Variants in LRBA observed in about 807,000 individuals in gnomAD.
LRBA encodes lipopolysaccharide-responsive and beige-like anchor protein.
Under a neutral mutation model 330.0 loss-of-function variants are expected in LRBA, and 176 were observed. That is an observed-to-expected ratio of 0.53 (90% CI 0.47 to 0.60). The LOEUF is 0.60. Ranked by LOEUF, LRBA falls within the 20% of genes least tolerant of loss-of-function variation. The pLI is 0.00. For synonymous variants in LRBA, 1,230 were observed against 1,193.0 expected (o/e 1.03, Z -0.64); for missense variants, 3,259 against 3,444.8 (o/e 0.95, Z 1.35).
At chr4:150,904,628 CA>C in intron 13 of LRBA, among the ~76,000 whole-genome samples, 1 of 150,624 alleles carries the variant, frequency 6.6e-6, no homozygotes. Flanking sequence ...ATTAGTAAGA[CA>C]AAAAAGTATC....
chr4:150,584,476 C>T (rs897760513), intron 40 of LRBA: 1 of 150,030 alleles, frequency 6.7e-6, no homozygotes, highest in African/African-American at 2.8e-5. Flanking sequence ...ACCCCATCCC[C>T]CCCCCCATTT....
intron 47 of LRBA, among the ~76,000 whole-genome samples, chr4:150,391,082 G>C (rs111374105): frequency 0.018 from 2,772 of 152,222 alleles, 31 homozygotes; most frequent in Non-Finnish European, 0.03. Context: ...AGCAGAATGT[G>C]AGCAAAAATG....
chr4:150,326,652 A>G (rs1733305548), intron 48 of LRBA, among the ~76,000 whole-genome samples: 2 of 152,190 alleles, frequency 1.3e-5, no homozygotes, highest in Admixed American at 1.3e-4. Context: ...ATCTGTAAGC[A>G]TTGTGTTTAC....
At chr4:150,872,778 C>A in intron 17 of LRBA, 23 bp from the exon 18 acceptor site, 1 of 1,271,786 alleles carries the variant, frequency 7.9e-7, no homozygotes, top group Non-Finnish European at 1.1e-6. Context: ...AAATTTAAAA[C>A]AAACTATTTT....
chr4:150,840,994 G>A (rs1748986459), intron 28 of LRBA: 11 of 1,254,010 alleles, frequency 8.8e-6, no homozygotes, highest in South Asian at 1.3e-5. Flanking sequence ...ACATATTTGT[G>A]ATCCGTGATC....
intron 2 of LRBA, among the ~76,000 whole-genome samples, chr4:150,952,866 T>A (rs962549502): frequency 6.6e-6 from 1 of 152,294 alleles, no homozygotes; most frequent in South Asian, 2.1e-4. Flanking sequence ...AATGCATTCA[T>A]CTTTATATCT....
chr4:150,389,635 C>G (rs1202232300), intron 47 of LRBA, among the ~76,000 whole-genome samples: 1 of 141,076 alleles, frequency 7.1e-6, no homozygotes, highest in African/African-American at 2.6e-5. Flanking sequence ...CAGGATCACG[C>G]CACTGCACTC....
At chr4:150,469,725 C>T (rs1561221757) in intron 43 of LRBA, among the ~76,000 whole-genome samples, 1 of 152,136 alleles carries the variant, frequency 6.6e-6, no homozygotes, top group East Asian at 1.9e-4. Context: ...CTCACTCTTT[C>T]CCATTTCTCT....
At chr4:150,472,703 A>C (rs1232474163) in intron 42 of LRBA, among the ~76,000 whole-genome samples, 1 of 152,038 alleles carries the variant, frequency 6.6e-6, no homozygotes, top group African/African-American at 2.4e-5. Flanking sequence ...TAGTAAACCC[A>C]CCTTTTCTAG....
At chr4:150,957,293 G>A (rs1480377393) in intron 2 of LRBA, among the ~76,000 whole-genome samples, 1 of 148,542 alleles carries the variant, frequency 6.7e-6, no homozygotes, top group South Asian at 2.1e-4. Flanking sequence ...AATCATGGCT[G>A]AAGGTGAAGG....
At chr4:150,961,453 G>GA (rs879439572) in intron 2 of LRBA, among the ~76,000 whole-genome samples, 6 of 148,740 alleles carry the variant, frequency 4.0e-5, no homozygotes, top group Non-Finnish European at 5.9e-5. Flanking sequence ...AGATTAGCCA[G>GA]AAAAAAACAA....
At chr4:150,277,437 A>C (rs1746929807) in intron 56 of LRBA, among the ~76,000 whole-genome samples, 1 of 152,210 alleles carries the variant, frequency 6.6e-6, no homozygotes, top group Non-Finnish European at 1.5e-5. Context: ...GATACTTCAA[A>C]GAAATATAAA....
intron 29 of LRBA, among the ~76,000 whole-genome samples, chr4:150,830,345 G>A (rs1278974090): frequency 6.6e-6 from 1 of 152,146 alleles, no homozygotes; most frequent in East Asian, 1.9e-4. Context: ...CTACCTTGCT[G>A]GAAAGAACAT....
intron 40 of LRBA, among the ~76,000 whole-genome samples, chr4:150,573,114 A>G (rs1326920723): frequency 1.3e-5 from 2 of 152,134 alleles, no homozygotes; most frequent in African/African-American, 4.8e-5. Context: ...GTTTAGGTGA[A>G]TATGGACTAG....
chr4:150,346,767 A>AC lies in LRBA; in HGVS notation c.7362+3224_7362+3225insG, dbSNP rs1412826730. Among the ~76,000 whole-genome samples the AC allele has an allele frequency of 4.9e-5, 5 of 101,456 alleles. No homozygotes were observed. The East Asian group carries it at 1.2e-3, about 25-fold the overall frequency. The allele number at this position is 101,456 out of a possible 152,430, so 66.6% of individuals were successfully genotyped here. Reference sequence around the variant, plus strand: ...TGTGAGACTCTGTCTCAAAAAAAAAAAAAAAAAAAAAAAAAAAAAACACTT... The same window carrying AC: ...TGTGAGACTCTGTCTCAAAAAAAAAACAAAAAAAAAAAAAAAAAAAACACTT... On this transcript the variant is annotated intron_variant, in intron 48 of 56. Transcript: ENST00000651943.
chr4:150,314,302 T>C (rs953618688), intron 51 of LRBA, among the ~76,000 whole-genome samples: 24 of 152,132 alleles, frequency 1.6e-4, no homozygotes, highest in Non-Finnish European at 1.5e-5. Flanking sequence ...ATATGGCAAA[T>C]CATATCTACT....
At chr4:150,518,910 CT>C (rs997980115) in intron 40 of LRBA, among the ~76,000 whole-genome samples, 9 of 151,984 alleles carry the variant, frequency 5.9e-5, no homozygotes, top group Non-Finnish European at 1.2e-4. Context: ...GGTTTGTTTG[CT>C]TTTTTTTCCT....
chr4:150,672,450 A>C (rs1459212459), intron 37 of LRBA, among the ~76,000 whole-genome samples: 1 of 152,078 alleles, frequency 6.6e-6, no homozygotes, highest in Non-Finnish European at 1.5e-5. Flanking sequence ...GAAATGTAAA[A>C]GTAAAACTAA....
At chr4:150,801,013 G>A (rs370512624) in intron 33 of LRBA, among the ~76,000 whole-genome samples, 1 of 152,022 alleles carries the variant, frequency 6.6e-6, no homozygotes, top group African/African-American at 2.4e-5. Context: ...TAAACCCATC[G>A]ATCTATCTAA....
Sources: allele counts gnomAD v4.1 joint callset (sites outside exome capture counted in the v4.1 genomes callset), GRCh38; gene constraint gnomAD v4.1.1; transcripts MANE v1.5; gene names NCBI Gene and HGNC (gene_info 2026-07-23, HGNC 2026-07-21).